The following HP variants were observed in gnomAD, a reference collection of about 807,000 sequenced individuals.
The protein encoded by HP is haptoglobin, also known as haptoglobin alpha(1S)-beta.
HP carries 9 observed loss-of-function variants against 23.2 expected under a neutral mutation model. That is an observed-to-expected ratio of 0.39 (90% CI 0.23 to 0.68). The LOEUF (loss-of-function observed/expected upper bound fraction) is 0.68. HP is among the 30% of genes least tolerant of loss of function. HP has a pLI of 0.47. For missense variants in HP, 433 were observed against 483.6 expected, an observed-to-expected ratio of 0.90 and a Z score of 0.98; for synonymous variants, 155 against 183.3, an observed-to-expected ratio of 0.85 and a Z score of 1.25.
chr16:72,060,241 T>G lies in HP; in HGVS notation c.572T>G (p.Leu191Arg). The change falls in exon 7 of 7, where the codon CTG becomes CGG. Residue 191 changes from leucine (L) to arginine (R), a missense_variant. By Grantham distance (102) the Leu-to-Arg change is moderately radical. Around this residue, in one of 3 missense-constraint regions of HP, gnomAD observed 326 missense variants for 358.1 expected, o/e 0.91. Coordinates refer to ENST00000355906, the MANE Select transcript of HP (RefSeq NM_005143.5). ...CATAATCTCACCACAGGTGCCACGC[T>G]GATCAATGAACAATGGCTGCTGACC... is the stretch of plus-strand genomic sequence containing the variant. ...SHHNLTTGAT[L>R]INEQWLLTTA... is the part of the protein sequence containing the mutation. 6.2e-7 allele frequency: 1 copy of G among 1,614,188 alleles called. No individual in the cohort carries two copies. Among genetic ancestry groups the G allele is most frequent in the Non-Finnish European group, 8.5e-7 (1 of 1,180,050 alleles).
At position 72,056,161 on chromosome 16, in the gene HP, T is replaced by C. The variant is rs370158233; in HGVS notation, c.6T>C (p.Ser2=). 86 of 1,613,690 alleles carry C rather than the reference T, an allele frequency of 5.3e-5. No individual in the cohort carries two copies. The highest frequency in any genetic ancestry group is 5.9e-5 in the Non-Finnish European group (70 of 1,179,864). The part of the protein sequence containing the change: M[S]ALGAVIALLL... ...ACTCCTCCTTGTCTTCTCTCTGCAG[T>C]GCCCTGGGAGCTGTCATTGCCCTCC... The change falls in exon 2 of 7, where the codon AGT becomes AGC. Residue 2 remains serine (S), a splice_region_variant and synonymous_variant. Coordinates refer to ENST00000355906, the MANE Select transcript of HP (RefSeq NM_005143.5).
At chr16:72,054,903 C>T in intron 1 of HP, 1 of 770,508 alleles carries the variant, frequency 1.3e-6, no homozygotes, top group East Asian at 2.7e-5. Flanking sequence ...ACATTTTTGA[C>T]TTTATAGGGT....
At chr16:72,057,554 T>C in intron 4 of HP, 88 bp downstream of exon 4, 1 of 540,584 alleles carries the variant, frequency 1.8e-6, no homozygotes, top group South Asian at 2.0e-5. Context: ...TGCGGCTTCC[T>C]CTGAGCACAC....
intron 1 of HP, chr16:72,055,722 C>A (rs1372816121): frequency 1.2e-5 from 3 of 256,670 alleles, no homozygotes; most frequent in Admixed American, 9.0e-5. Context: ...GCACAGTAAG[C>A]CCAAAGTTCC....
intron 1 of HP, chr16:72,055,325 A>C (rs1451052826): frequency 6.4e-6 from 1 of 156,630 alleles, no homozygotes; most frequent in African/African-American, 2.4e-5. Context: ...TTTTTAGTAG[A>C]GACGGGCTTT....
In HP at chr16:72,060,601, G is replaced by T. The variant is rs556625699; in HGVS notation, c.932G>T (p.Arg311Met). ...GTGGCTGACCAAGACCAATGCATAA[G>T]GCATTATGAAGGCAGCACAGTCCCC... ...LPVADQDQCIRHYEGSTVPEK... is the reference protein window; with the variant it reads ...LPVADQDQCIMHYEGSTVPEK... Residue 311 changes from arginine (R) to methionine (M), a missense_variant, in exon 7 of 7, where the codon AGG (arginine) becomes ATG (methionine). By Grantham distance (91) the Arg-to-Met change is moderately conservative. Coordinates refer to ENST00000355906, the MANE Select transcript of HP (RefSeq NM_005143.5). The T allele has an allele frequency of 6.2e-7, 1 of 1,614,126 alleles. No individual in the cohort carries two copies. Among genetic ancestry groups the T allele is most frequent in the Non-Finnish European group, 8.5e-7 (1 of 1,180,030 alleles).
chr16:72,060,159 G>A lies in HP; in HGVS notation c.490G>A (p.Gly164Ser). Residue 164 changes from glycine to serine, a missense_variant, in exon 7 of 7, where the codon GGT becomes AGT. Coordinates refer to ENST00000355906, the MANE Select transcript of HP (RefSeq NM_005143.5). ...NPANPVQRIL[G>S]GHLDAKGSFP... ...GGCAAACCCAGTGCAGCGGATCCTG[G>A]GTGGACACCTGGATGCCAAAGGCAG... 5 of 1,613,844 alleles carry A rather than the reference G, an allele frequency of 3.1e-6. No homozygotes were observed. In the South Asian group the frequency reaches 5.5e-5, roughly 18 times the overall value.
rs371786946 is a variant in HP, at chr16:72,056,551, C to T, written c.110C>T (p.Pro37Leu). Reference sequence around the variant, plus strand: ...GCAGATGACGGCTGCCCGAAGCCCCCCGAGATTGCACATGGCTATGTGGAG... The same window carrying T: ...GCAGATGACGGCTGCCCGAAGCCCCTCGAGATTGCACATGGCTATGTGGAG... ...DIADDGCPKPPEIAHGYVEHS... is the reference protein window; with the variant it reads ...DIADDGCPKPLEIAHGYVEHS... The change falls in exon 3 of 7, where the codon CCC (proline) becomes CTC (leucine). Residue 37 changes from proline to leucine, a missense_variant. Pro to Leu is a moderately conservative substitution (Grantham distance 98). Around this residue, in one of 3 missense-constraint regions of HP, gnomAD observed 71 missense variants for 54.2 expected, o/e 1.31. Coordinates refer to ENST00000355906, the MANE Select transcript of HP (RefSeq NM_005143.5). The T allele has an allele frequency of 1.8e-4, 273 of 1,495,514 alleles. No individual in the cohort carries two copies. The African/African-American group carries it at 3.9e-3, about 21-fold the overall frequency. 92.6% of individuals were successfully genotyped at this position (1,495,514 alleles called of 1,614,324 possible). A position where few individuals can be genotyped will look rare whatever the true frequency, so the allele number is the denominator to read the frequency against.
rs780883277 is a variant in HP at position 72,060,527 on chromosome 16, A to T, written c.858A>T (p.Arg286=). The change falls in exon 7 of 7, where the codon CGA becomes CGT. Residue 286 remains arginine (R), a synonymous_variant. Transcript: ENST00000355906. ...TGGGTTATGTTTCTGGCTGGGGGCGAAATGCCAATTTTAAATTTACTGACC... is the reference window on the plus strand; with the variant it reads ...TGGGTTATGTTTCTGGCTGGGGGCGTAATGCCAATTTTAAATTTACTGACC... ...GRVGYVSGWG[R]NANFKFTDHL... is the part of the protein sequence containing the mutation. 1.9e-6 allele frequency: 3 copies of T among 1,614,112 alleles called. No homozygotes were observed. The highest frequency in any genetic ancestry group is 2.2e-5 in the South Asian group (2 of 91,080).
Position 72,060,446 on chromosome 16 carries a change from TGA to T in HP, c.783_784del (p.Arg261SerfsTer30). The stretch of plus-strand genomic sequence containing the variant: ...AACTCAAACAGAAGGTGTCTGTTAA[TGA>T]GAGAGTGATGCCCATCTGCCTACCT... ...IKLKQKVSVN[E>X]RVMPICLPSK... On this transcript the variant is annotated frameshift_variant, in exon 7 of 7. Transcript: ENST00000355906. LOFTEE classifies it high-confidence loss of function. The T allele has an allele frequency of 5.6e-6, 9 of 1,614,086 alleles. No homozygotes were observed. Among genetic ancestry groups the T allele is most frequent in the Non-Finnish European group, 7.6e-6 (9 of 1,179,986 alleles).
chr16:72,055,996 C>T (rs187213154), intron 1 of HP, 165 bp from the exon 2 acceptor site: 201 of 1,257,016 alleles, frequency 1.6e-4, no homozygotes, highest in Admixed American at 7.6e-4. Flanking sequence ...TTTCTTGGTC[C>T]TAGCACTTCC....
intron 4 of HP, 27 bp downstream of exon 4, chr16:72,057,493 G>C (rs1300344447): frequency 2.1e-6 from 2 of 968,274 alleles, no homozygotes; most frequent in Non-Finnish European, 3.0e-6. Context: ...GAGCACTTAA[G>C]AGAGCAGGCA....
rs766650203 is a variant in HP, at chr16:72,056,192, T to C, written c.37T>C (p.Trp13Arg). Residue 13 changes from tryptophan (W) to arginine (R), a missense_variant, in exon 2 of 7, where the codon TGG becomes CGG. Physicochemically the swap from Trp to Arg is moderately radical, Grantham distance 101 (BLOSUM62 -3). This residue lies in a region of HP where 71 missense variants were observed against 54.2 expected (regional missense o/e 1.31). Transcript: ENST00000355906. The part of the protein sequence containing the change: ...ALGAVIALLL[W>R]GQLFAVDSGN... ...GGGAGCTGTCATTGCCCTCCTGCTC[T>C]GGGGACAGCTTTTTGCAGTGGACTC... 6.2e-7 allele frequency: 1 copy of C among 1,614,014 alleles called. No homozygotes were observed. Among genetic ancestry groups the C allele is most frequent in the Non-Finnish European group, 8.5e-7 (1 of 1,179,954 alleles).
At position 72,060,427 on chromosome 16, in the gene HP, A is replaced by G. The variant is rs1231425803; in HGVS notation, c.758A>G (p.Lys253Arg). The G allele has an allele frequency of 9.9e-6, 16 of 1,614,188 alleles. No individual in the cohort carries two copies. The highest frequency in any genetic ancestry group is 1.4e-5 in the Non-Finnish European group (16 of 1,180,032). ...GTAGATATTGGGCTCATCAAACTCAAACAGAAGGTGTCTGTTAATGAGAGA... is the reference window on the plus strand; with the variant it reads ...GTAGATATTGGGCTCATCAAACTCAGACAGAAGGTGTCTGTTAATGAGAGA... ...SQVDIGLIKL[K>R]QKVSVNERVM... Residue 253 changes from lysine (K) to arginine (R), a missense_variant, in exon 7 of 7, where the codon AAA becomes AGA. Around this residue, in one of 3 missense-constraint regions of HP, gnomAD observed 326 missense variants for 358.1 expected, o/e 0.91. Transcript: ENST00000355906.
Position 72,060,148 on chromosome 16 carries a change from A to C in HP, c.479A>C (p.Gln160Pro). Residue 160 changes from glutamine (Q) to proline (P), a missense_variant, in exon 7 of 7, where the codon CAG becomes CCG. This residue lies in a region of HP where 326 missense variants were observed against 358.1 expected (regional missense o/e 0.91). Transcript: ENST00000355906. The part of the protein sequence containing the change: ...GKPKNPANPV[Q>P]RILGGHLDAK... ...CCCAAGAATCCGGCAAACCCAGTGC[A>C]GCGGATCCTGGGTGGACACCTGGAT... 6.2e-7 allele frequency: 1 copy of C among 1,613,920 alleles called. No homozygotes were observed. Among genetic ancestry groups the C allele is most frequent in the East Asian group, 2.2e-5 (1 of 44,768 alleles).
At chr16:72,060,015 TTAC>T in intron 6 of HP, 94 bp from the exon 7 acceptor site, 4 of 1,571,400 alleles carry the variant, frequency 2.5e-6, no homozygotes, top group Non-Finnish European at 3.5e-6. Context: ...TCTTTCTACT[TTAC>T]GCAGCAGTGA....
rs111492630 is a variant in HP, at chr16:72,054,552, G to A, written c.-101G>A. The A allele has an allele frequency of 6.3e-7, 1 of 1,579,214 alleles. No homozygotes were observed. The highest frequency in any genetic ancestry group is 1.4e-5 in the African/African-American group (1 of 74,048). ...CCAGGGCCAAAGTTTGTAGACACAG[G>A]AATTACGAAATGGAGAAGGGGGAGA... On this transcript the variant is annotated 5_prime_UTR_variant, in exon 1 of 7. Coordinates refer to ENST00000355906, the MANE Select transcript of HP (RefSeq NM_005143.5).
Position 72,060,968 on chromosome 16 carries a change from G to C in HP, c.*78G>C. On this transcript the variant is annotated 3_prime_UTR_variant, in exon 7 of 7. Transcript: ENST00000355906. ...GGGCAAAGTGGACGGGAGTGGACAG[G>C]AGTGGATGCGATAAGATGTGGTTTG... 1 of 1,490,068 alleles carries C rather than the reference G, an allele frequency of 6.7e-7. No homozygotes were observed. Among genetic ancestry groups the C allele is most frequent in the Admixed American group, 2.3e-5 (1 of 44,226 alleles). 92.3% of individuals were successfully genotyped at this position (1,490,068 alleles called of 1,614,324 possible).
chr16:72,055,445 T>G (rs1029194727), intron 1 of HP: 1 of 158,024 alleles, frequency 6.3e-6, no homozygotes. Context: ...GCCTAGAAAC[T>G]ATTTTAATAG....
Sources: gnomAD v4.1 joint callset for allele counts on GRCh38, gnomAD v4.1.1 for gene constraint, gnomAD v4.1.1 regional missense constraint, MANE v1.5 for transcripts, NCBI Gene and HGNC (gene_info 2026-07-23, HGNC 2026-07-21) for gene names.